Variants in CRYBG3 observed in about 807,000 individuals in gnomAD.
The protein encoded by CRYBG3 is crystallin beta-gamma domain containing 3, also known as very large A-kinase anchor protein.
A neutral mutation model predicts 244.2 loss-of-function variants in CRYBG3; 127 were observed. The ratio of observed to expected loss-of-function variants is 0.52; its 90% CI spans 0.45 to 0.60. The LOEUF (loss-of-function observed/expected upper bound fraction) is 0.60. Among genes scored for constraint, CRYBG3 ranks in the 20% least tolerant of loss-of-function variants. The probability of loss-of-function intolerance (pLI) is 0.00; values close to 1 mark genes in which losing one functional copy is unlikely to be tolerated. For missense variants in CRYBG3, 3,325 were observed against 3,442.5 expected (o/e 0.97, Z 0.85); for synonymous variants, 1,132 against 1,195.8 (o/e 0.95, Z 1.10).
At chr3:97,940,850 A>G (rs1029251784) in intron 19 of CRYBG3, among the ~76,000 whole-genome samples, 1 of 151,862 alleles carries the variant, frequency 6.6e-6, no homozygotes, top group African/African-American at 2.4e-5. Context: ...TCAAGTCCCT[A>G]ATTCTTTACC....
chr3:97,873,549 A>T lies in CRYBG3; in HGVS notation c.2355A>T (p.Leu785Phe). 2.6e-6 allele frequency: 4 copies of T among 1,535,524 alleles called. No homozygotes were observed. The Middle Eastern group carries it at 5.0e-4, about 192-fold the overall frequency. ...CTCAAGACCCTAATAGAGTAGAGTT[A>T]GTGTCTTCAAACACTAAAGCAAATA... ...ILSQDPNRVE[L>F]VSSNTKANMS... Residue 785 changes from leucine to phenylalanine, a missense_variant, in exon 4 of 22, where the codon TTA (leucine) becomes TTT (phenylalanine). This residue lies in a region of CRYBG3 where 1,526 missense variants were observed against 1,443.2 expected (regional missense o/e 1.06). Coordinates refer to ENST00000389622, the MANE Select transcript of CRYBG3 (RefSeq NM_153605.4).
At chr3:97,886,341 A>G (rs1469651763) in intron 7 of CRYBG3, among the ~76,000 whole-genome samples, 2 of 152,196 alleles carry the variant, frequency 1.3e-5, no homozygotes, top group South Asian at 2.1e-4. Flanking sequence ...TCTGAACTCA[A>G]TTTGGTAACT....
At position 97,943,374 on chromosome 3, in the gene CRYBG3, T is replaced by C. The variant is rs1333536772; in HGVS notation, c.*60T>C. On this transcript the variant is annotated 3_prime_UTR_variant, in exon 22 of 22. Coordinates refer to ENST00000389622, the MANE Select transcript of CRYBG3 (RefSeq NM_153605.4). ...AGCAAAGAAGGAAACACATCTGTCA[T>C]TGTCTTGTGGACGTGGAAAGGAAGC... 8.2e-6 allele frequency: 8 copies of C among 972,882 alleles called. No homozygotes were observed. The highest frequency in any genetic ancestry group is 1.6e-5 in the African/African-American group (1 of 61,192). The allele number at this position is 972,882 out of a possible 1,614,324, so 60.3% of individuals were successfully genotyped here. A position where few individuals can be genotyped will look rare whatever the true frequency, so the allele number is the denominator to read the frequency against.
Position 97,873,856 on chromosome 3 carries a change from T to A in CRYBG3, c.2662T>A (p.Ser888Thr), listed in dbSNP as rs749201710. Residue 888 changes from serine (S) to threonine (T), a missense_variant, in exon 4 of 22, where the codon TCA becomes ACA. Transcript: ENST00000389622. ...LEVEQGKRFQ[S>T]INHNEIGEKC... ...AGTTGAACAGGGCAAACGTTTTCAATCAATTAATCATAATGAGATAGGAGA... is the reference window on the plus strand; with the variant it reads ...AGTTGAACAGGGCAAACGTTTTCAAACAATTAATCATAATGAGATAGGAGA... 16 of 1,535,088 alleles carry A rather than the reference T, an allele frequency of 1.0e-5. No individual in the cohort carries two copies. The highest frequency in any genetic ancestry group is 1.3e-5 in the Non-Finnish European group (15 of 1,146,614).
At chr3:97,917,840 T>C (rs141684281) in intron 17 of CRYBG3, among the ~76,000 whole-genome samples, 5 of 151,980 alleles carry the variant, frequency 3.3e-5, no homozygotes, top group Non-Finnish European at 5.9e-5. Flanking sequence ...TAAAAGAGAG[T>C]CCTTTTACTC....
Position 97,892,982 on chromosome 3 carries a change from C to T in CRYBG3, c.7563C>T (p.Val2521=), listed in dbSNP as rs748334923. 5 of 1,596,060 alleles carry T rather than the reference C, an allele frequency of 3.1e-6. No homozygotes were observed. In the African/African-American group the frequency reaches 6.8e-5, roughly 22 times the overall value. ...GDFHRIGSIR[V]IGGVWVAYEK... The stretch of plus-strand genomic sequence containing the variant: ...TTCACAGAATTGGATCAATTCGTGT[C>T]ATTGGTGGAGTGTGAGTATCATATT... The change falls in exon 11 of 22, where the codon GTC becomes GTT. Residue 2521 remains valine (V), a synonymous_variant. Coordinates refer to ENST00000389622, the MANE Select transcript of CRYBG3 (RefSeq NM_153605.4).
In CRYBG3 at chr3:97,822,135, C is replaced by T. The variant is rs1417668219; in HGVS notation, c.-72C>T. 2.3e-6 allele frequency: 3 copies of T among 1,328,674 alleles called. No homozygotes were observed. Among genetic ancestry groups the T allele is most frequent in the Admixed American group, 3.3e-5 (1 of 30,414 alleles). The allele number at this position is 1,328,674 out of a possible 1,614,324, so 82.3% of individuals were successfully genotyped here. On this transcript the variant is annotated 5_prime_UTR_variant, in exon 1 of 22. Coordinates refer to ENST00000389622, the MANE Select transcript of CRYBG3 (RefSeq NM_153605.4). ...CTAGCCGCATCCCGCGGCGCCCGGT[C>T]GGGCTCCGGGCACCAGGCAACACCT...
rs1296024750 is a variant in CRYBG3, at chr3:97,915,783, C to A, written c.8241+47C>A. On this transcript the variant is annotated intron_variant, in intron 17 of 21. Coordinates refer to ENST00000389622, the MANE Select transcript of CRYBG3 (RefSeq NM_153605.4). ...TACTTATAAGATTCTTTTTCTTGTC[C>A]AGTTTAATTACCACCAATGATAATG... 3 of 1,435,206 alleles carry A rather than the reference C, an allele frequency of 2.1e-6. No individual in the cohort carries two copies. The South Asian group carries it at 3.9e-5, about 19-fold the overall frequency. The allele number at this position is 1,435,206 out of a possible 1,614,324, so 88.9% of individuals were successfully genotyped here.
intron 1 of CRYBG3, among the ~76,000 whole-genome samples, chr3:97,827,946 A>G (rs2038600615): frequency 6.6e-6 from 1 of 152,236 alleles, no homozygotes; most frequent in African/African-American, 2.4e-5. Flanking sequence ...AGACAATGGC[A>G]TGCAGCTGGA....
intron 17 of CRYBG3, among the ~76,000 whole-genome samples, chr3:97,931,895 C>T (rs1193794853): frequency 6.6e-6 from 1 of 152,004 alleles, no homozygotes; most frequent in African/African-American, 2.4e-5. Flanking sequence ...GATGCCGTTA[C>T]TTCCATTCTC....
At chr3:97,893,485 A>G (rs948121088) in intron 11 of CRYBG3, among the ~76,000 whole-genome samples, 11 of 152,224 alleles carry the variant, frequency 7.2e-5, no homozygotes, top group Admixed American at 2.6e-4. Context: ...GAACCCCTGG[A>G]TATAAACCCA....
At chr3:97,825,812 G>A (rs1004790048) in intron 1 of CRYBG3, among the ~76,000 whole-genome samples, 1 of 152,192 alleles carries the variant, frequency 6.6e-6, no homozygotes, top group African/African-American at 2.4e-5. Flanking sequence ...GAGGTACTCT[G>A]TACTGTCAGA....
intron 7 of CRYBG3, among the ~76,000 whole-genome samples, chr3:97,882,831 T>G (rs1359579927): frequency 1.3e-5 from 2 of 152,216 alleles, no homozygotes; most frequent in African/African-American, 4.8e-5. Flanking sequence ...TCTGCACATA[T>G]TTTATGTGAA....
intron 1 of CRYBG3, among the ~76,000 whole-genome samples, chr3:97,828,645 A>G (rs1042921717): frequency 4.0e-5 from 6 of 151,856 alleles, no homozygotes; most frequent in African/African-American, 1.4e-4. Context: ...TGACCAACAT[A>G]GTGAAATCCC....
At position 97,822,564 on chromosome 3, in the gene CRYBG3, G is replaced by C. The variant is rs545432253; in HGVS notation, c.149+209G>C. Among the ~76,000 whole-genome samples, 6 of 152,222 alleles carry C rather than the reference G, an allele frequency of 3.9e-5. No homozygotes were observed. In the South Asian group the frequency reaches 1.2e-3, roughly 32 times the overall value. The stretch of plus-strand genomic sequence containing the variant: ...GCCTCTCCTCTGCAGGTTAAATCGG[G>C]GTGAAGTTCTTGCCCGGCAGCCGGA... On this transcript the variant is annotated intron_variant, in intron 1 of 21. Transcript: ENST00000389622.
chr3:97,874,300 A>C lies in CRYBG3; in HGVS notation c.3106A>C (p.Lys1036Gln), dbSNP rs919514820. 1.2e-5 allele frequency: 19 copies of C among 1,527,962 alleles called. No homozygotes were observed. In the African/African-American group the frequency reaches 2.5e-4, roughly 20 times the overall value. The allele number at this position is 1,527,962 out of a possible 1,614,324, so 94.7% of individuals were successfully genotyped here. Residue 1036 changes from lysine to glutamine, a missense_variant, in exon 4 of 22, where the codon AAA (lysine) becomes CAA (glutamine). Lys to Gln is a moderately conservative substitution (Grantham distance 53). Around this residue, in one of 4 missense-constraint regions of CRYBG3, gnomAD observed 1,526 missense variants for 1,443.2 expected, o/e 1.06. Transcript: ENST00000389622. ...CTTCCTTAAAGTACCTTCTGTGCTG[A>C]AATTGGAAAAGAAATCCTCATCTTA... is the stretch of plus-strand genomic sequence containing the variant. ...SSFLKVPSVL[K>Q]LEKKSSSYRK...
In CRYBG3 at chr3:97,877,159, G is replaced by C. The variant is rs936239014; in HGVS notation, c.5965G>C (p.Val1989Leu). 12 of 1,614,008 alleles carry C rather than the reference G, an allele frequency of 7.4e-6. No homozygotes were observed. Among genetic ancestry groups the C allele is most frequent in the Non-Finnish European group, 8.5e-6 (10 of 1,179,940 alleles). Residue 1989 changes from valine (V) to leucine (L), a missense_variant, in exon 4 of 22, where the codon GTT becomes CTT. By Grantham distance (32) the Val-to-Leu change is conservative. This residue lies in a region of CRYBG3 where 450 missense variants were observed against 424.1 expected (regional missense o/e 1.06). Transcript: ENST00000389622. ...YSDKGYNLAF[V>L]SQDEQENSSF... ...TGACAAAGGATATAATTTAGCTTTT[G>C]TTTCTCAAGATGAACAAGAAAATTC...
intron 1 of CRYBG3, among the ~76,000 whole-genome samples, chr3:97,833,014 G>T (rs1467445517): frequency 6.6e-6 from 1 of 152,188 alleles, no homozygotes; most frequent in Non-Finnish European, 1.5e-5. Context: ...ACCACAATGA[G>T]ATACCATCTC....
intron 11 of CRYBG3, 117 bp downstream of exon 11, chr3:97,893,110 G>A: frequency 1.1e-6 from 1 of 877,716 alleles, no homozygotes; most frequent in Non-Finnish European, 1.8e-6. Context: ...CATTCCTTCT[G>A]TAATATGGAA....
Sources: allele counts gnomAD v4.1 joint callset (sites outside exome capture counted in the v4.1 genomes callset), GRCh38; gene constraint gnomAD v4.1.1; regional missense constraint gnomAD v4.1.1; transcripts MANE v1.5; gene names NCBI Gene and HGNC (gene_info 2026-07-23, HGNC 2026-07-21).